Variants in GNAL observed in about 807,000 individuals in gnomAD.
GNAL encodes G protein subunit alpha L, also known as guanine nucleotide-binding protein G(olf) subunit alpha.
In GNAL, 18 loss-of-function variants were observed where a neutral mutation model predicts 55.1. The ratio of observed to expected loss-of-function variants is 0.33; its 90% CI spans 0.23 to 0.48. GNAL has a LOEUF of 0.48. GNAL is among the 20% of genes least tolerant of loss of function. The probability of loss-of-function intolerance (pLI) is 0.99; values close to 1 mark genes in which losing one functional copy is unlikely to be tolerated. For missense variants in GNAL, 412 were observed against 614.1 expected, an observed-to-expected ratio of 0.67 and a Z score of 3.48; for synonymous variants, 253 against 237.0, an observed-to-expected ratio of 1.07 and a Z score of -0.62.
intron 11 of GNAL, among the ~76,000 whole-genome samples, chr18:11,880,024 C>T (rs1041805210): frequency 6.0e-5 from 9 of 150,868 alleles, no homozygotes; most frequent in Non-Finnish European, 1.0e-4. Context: ...TTTGGGAGGC[C>T]GAGGCAGGCG....
chr18:11,715,235 G>A (rs372460627), intron 1 of GNAL, among the ~76,000 whole-genome samples: 28 of 151,970 alleles, frequency 1.8e-4, no homozygotes, highest in African/African-American at 6.5e-4. Context: ...CGAGGTGGGC[G>A]GATCACAAGG....
intron 1 of GNAL, among the ~76,000 whole-genome samples, chr18:11,691,278 A>C (rs1473696036): frequency 2.6e-5 from 4 of 151,022 alleles, no homozygotes; most frequent in African/African-American, 9.7e-5. Context: ...GTGTCTGTTC[A>C]TGTCCTTTGC....
chr18:11,733,963 A>C (rs2032401707), intron 1 of GNAL, among the ~76,000 whole-genome samples: 1 of 151,356 alleles, frequency 6.6e-6, no homozygotes, highest in African/African-American at 2.4e-5. Flanking sequence ...CGTTCTGTAG[A>C]ACTGCGCCAT....
intron 5 of GNAL, among the ~76,000 whole-genome samples, chr18:11,835,357 T>G (rs2035476661): frequency 6.6e-6 from 1 of 151,632 alleles, no homozygotes; most frequent in South Asian, 2.1e-4. Context: ...CTGGGCACAG[T>G]GGTGTTTGCC....
At chr18:11,781,082 G>C (rs1568024150) in intron 4 of GNAL, among the ~76,000 whole-genome samples, 1 of 152,212 alleles carries the variant, frequency 6.6e-6, no homozygotes, top group African/African-American at 2.4e-5. Context: ...AATGATGATA[G>C]TGCTGACCAG....
rs1469996047 is a variant in GNAL at position 11,862,382 on chromosome 18, G to A, written c.723-13G>A. The A allele has an allele frequency of 1.2e-6, 2 of 1,612,010 alleles. No individual in the cohort carries two copies. The highest frequency in any genetic ancestry group is 4.5e-5 in the East Asian group (2 of 44,876). ...AGAGAACAGGCCTCAACCCTTGCTG[G>A]CTTTCTTTGCAGCTTCCTGGAAAGA... On this transcript the variant is annotated splice_polypyrimidine_tract_variant and intron_variant, in intron 5 of 11. Transcript: ENST00000334049.
intron 6 of GNAL, 141 bp from the exon 7 acceptor site, chr18:11,864,392 C>T: frequency 1.5e-6 from 1 of 670,286 alleles, no homozygotes. Context: ...CATGCTCGGC[C>T]AATGTTGGTT....
At chr18:11,762,608 G>T (rs970104584) in intron 4 of GNAL, among the ~76,000 whole-genome samples, 1 of 152,168 alleles carries the variant, frequency 6.6e-6, no homozygotes, top group Non-Finnish European at 1.5e-5. Flanking sequence ...CTTCAGGGTG[G>T]GTGGCACCTT....
intron 1 of GNAL, among the ~76,000 whole-genome samples, chr18:11,701,706 A>C (rs1317583001): frequency 6.6e-6 from 1 of 152,160 alleles, no homozygotes; most frequent in Non-Finnish European, 1.5e-5. Flanking sequence ...ACCCAGAAGC[A>C]CCCACAGCTC....
At chr18:11,855,784 C>T (rs1296295340) in intron 5 of GNAL, among the ~76,000 whole-genome samples, 1 of 152,050 alleles carries the variant, frequency 6.6e-6, no homozygotes, top group Non-Finnish European at 1.5e-5. Context: ...ACCAGCCTGA[C>T]CAACATGAAG....
At chr18:11,827,165 C>T (rs1199995769) in intron 5 of GNAL, among the ~76,000 whole-genome samples, 2 of 152,142 alleles carry the variant, frequency 1.3e-5, no homozygotes, top group South Asian at 2.1e-4. Context: ...ATGTGGTGAG[C>T]GCGCTTGGCA....
intron 1 of GNAL, among the ~76,000 whole-genome samples, chr18:11,724,022 T>A (rs973625724): frequency 2.3e-4 from 35 of 152,232 alleles, no homozygotes; most frequent in African/African-American, 8.2e-4. Flanking sequence ...TCATTTCCTC[T>A]TGCTGCTGTC....
chr18:11,711,487 C>G (rs1452881124), intron 1 of GNAL, among the ~76,000 whole-genome samples: 1 of 152,086 alleles, frequency 6.6e-6, no homozygotes, highest in African/African-American at 2.4e-5. Context: ...TAACTCAGGT[C>G]TGCTCTTGAG....
chr18:11,885,215 A>C lies in GNAL; in HGVS notation c.*4080A>C, dbSNP rs867186875. ...CGTACCAGCATCATGAGCTGGATGC[A>C]GGAGCCCATGGCTGAAAGGAGTTAA... is the stretch of plus-strand genomic sequence containing the variant. On this transcript the variant is annotated 3_prime_UTR_variant, in exon 12 of 12. Coordinates refer to ENST00000334049, the MANE Select transcript of GNAL (RefSeq NM_182978.4). 2.4e-4 allele frequency: 91 copies of C among 372,128 alleles called. 2 individuals are homozygous for C. Among genetic ancestry groups the C allele is most frequent in the African/African-American group, 2.0e-3 (89 of 45,618 alleles). The allele number at this position is 372,128 out of a possible 1,614,324, so 23.1% of individuals were successfully genotyped here. A position where few individuals can be genotyped will look rare whatever the true frequency, so the allele number is the denominator to read the frequency against.
At chr18:11,771,045 T>C (rs957405842) in intron 4 of GNAL, among the ~76,000 whole-genome samples, 2 of 151,710 alleles carry the variant, frequency 1.3e-5, no homozygotes, top group African/African-American at 4.8e-5. Flanking sequence ...TCAAACCCTG[T>C]CTCTACTAAA....
intron 4 of GNAL, among the ~76,000 whole-genome samples, chr18:11,783,851 C>G (rs2033985688): frequency 6.6e-6 from 1 of 152,126 alleles, no homozygotes; most frequent in Admixed American, 6.5e-5. Context: ...GCATTTCAAG[C>G]TCAGTGGCCA....
intron 1 of GNAL, among the ~76,000 whole-genome samples, chr18:11,724,603 TATG>T (rs2032171980): frequency 6.6e-6 from 1 of 152,138 alleles, no homozygotes; most frequent in Admixed American, 6.5e-5. Flanking sequence ...GGACCAAAGG[TATG>T]ATAGCAGGAG....
Position 11,872,276 on chromosome 18 carries a change from G to A in GNAL, c.1040G>A (p.Arg347Gln), listed in dbSNP as rs768760393. The A allele has an allele frequency of 1.9e-6, 3 of 1,579,730 alleles. No individual in the cohort carries two copies. The highest frequency in any genetic ancestry group is 1.2e-5 in the South Asian group (1 of 85,670). Residue 347 changes from arginine to glutamine, a missense_variant, in exon 10 of 12, where the codon CGG becomes CAG. Transcript: ENST00000334049. ...TATTTTTCCTTTTTTAGGTGGTTAC[G>A]GACCATTTCTATCATCTTGTTCTTG... is the stretch of plus-strand genomic sequence containing the variant. ...FESIWNNRWL[R>Q]TISIILFLNK...
At chr18:11,711,320 C>T (rs1310138284) in intron 1 of GNAL, among the ~76,000 whole-genome samples, 2 of 152,070 alleles carry the variant, frequency 1.3e-5, no homozygotes, top group Non-Finnish European at 2.9e-5. Context: ...TCTTCACCTT[C>T]TAGGATTCTC....
Sources: allele counts gnomAD v4.1 joint callset (sites outside exome capture counted in the v4.1 genomes callset), GRCh38; gene constraint gnomAD v4.1.1; transcripts MANE v1.5; gene names NCBI Gene and HGNC (gene_info 2026-07-23, HGNC 2026-07-21).